Variants in KCNK9 observed in about 807,000 individuals in gnomAD.
KCNK9 encodes the protein potassium channel subfamily K member 9.
A neutral mutation model predicts 10.8 loss-of-function variants in KCNK9; 1 was observed. The observed-to-expected ratio is 0.09, with a 90% confidence interval of 0.03 to 0.44. The LOEUF is 0.44. Among genes scored for constraint, KCNK9 ranks in the 20% least tolerant of loss-of-function variants. The pLI is 0.97. For synonymous variants in KCNK9, 231 were observed against 222.7 expected, an observed-to-expected ratio of 1.04 and a Z score of -0.33; for missense variants, 303 against 515.0, an observed-to-expected ratio of 0.59 and a Z score of 3.98.
At chr8:139,626,655 G>GGCT (rs1182796642) in intron 1 of KCNK9, among the ~76,000 whole-genome samples, 2 of 152,208 alleles carry the variant, frequency 1.3e-5, no homozygotes, top group African/African-American at 2.4e-5. Flanking sequence ...GGGTACCCAT[G>GGCT]GCTGTCTCCC....
At chr8:139,692,605 G>A (rs1440713302) in intron 1 of KCNK9, among the ~76,000 whole-genome samples, 1 of 152,184 alleles carries the variant, frequency 6.6e-6, no homozygotes, top group Non-Finnish European at 1.5e-5. Flanking sequence ...GCACTTGGGT[G>A]CTGTCAAAGA....
chr8:139,641,678 G>A lies in KCNK9; in HGVS notation c.284-22579C>T, dbSNP rs116951233. Among the ~76,000 whole-genome samples, 1,122 of 151,662 alleles carry A rather than the reference G, an allele frequency of 7.4e-3. 7 individuals are homozygous for A. The highest frequency in any genetic ancestry group is 0.012 in the Non-Finnish European group (848 of 67,982). On this transcript the variant is annotated intron_variant, in intron 1 of 1. Coordinates refer to ENST00000520439, the MANE Select transcript of KCNK9 (RefSeq NM_001282534.2). ...ACACACCCAATTTCCAGGATACCTCGCTGCCACCTCTTCACTGACTGCGCT... is the reference window on the plus strand; with the variant it reads ...ACACACCCAATTTCCAGGATACCTCACTGCCACCTCTTCACTGACTGCGCT...
At chr8:139,692,775 C>T (rs1239193090) in intron 1 of KCNK9, among the ~76,000 whole-genome samples, 1 of 152,220 alleles carries the variant, frequency 6.6e-6, no homozygotes, top group Non-Finnish European at 1.5e-5. Flanking sequence ...ATCAGCTCCC[C>T]CCCACGTCCA....
intron 1 of KCNK9, among the ~76,000 whole-genome samples, chr8:139,650,907 G>C (rs1222469047): frequency 1.3e-5 from 2 of 152,180 alleles, no homozygotes; most frequent in African/African-American, 2.4e-5. Flanking sequence ...ATGTTGCCAT[G>C]GTTCAGAATG....
At chr8:139,656,510 T>G (rs1329566954) in intron 1 of KCNK9, among the ~76,000 whole-genome samples, 2 of 152,168 alleles carry the variant, frequency 1.3e-5, no homozygotes, top group Non-Finnish European at 2.9e-5. Context: ...ACCCGCCAGG[T>G]GCAGACAGAT....
intron 1 of KCNK9, among the ~76,000 whole-genome samples, chr8:139,630,094 A>C (rs1815116224): frequency 6.6e-6 from 1 of 151,806 alleles, no homozygotes; most frequent in African/African-American, 2.4e-5. Context: ...CGAAAGGGTA[A>C]GGGGTTTCTT....
chr8:139,619,501 C>T (rs1814713309), intron 1 of KCNK9, among the ~76,000 whole-genome samples: 1 of 152,144 alleles, frequency 6.6e-6, no homozygotes, highest in South Asian at 2.1e-4. Context: ...TAAGAGAACT[C>T]CAAAAGTACC....
chr8:139,672,648 G>A lies in KCNK9; in HGVS notation c.283+30062C>T, dbSNP rs373985481. Among the ~76,000 whole-genome samples, 240 of 152,330 alleles carry A rather than the reference G, an allele frequency of 1.6e-3. 2 individuals carry two copies. The highest frequency in any genetic ancestry group is 5.1e-3 in the African/African-American group (214 of 41,582). ...AGGGACATGGTTGTGGGACAGGGTC[G>A]GCCCACCCTGTCCAGACACAGCCCC... On this transcript the variant is annotated intron_variant, in intron 1 of 1. Transcript: ENST00000520439.
intron 1 of KCNK9, among the ~76,000 whole-genome samples, chr8:139,654,587 G>T (rs1815966341): frequency 6.6e-6 from 1 of 152,234 alleles, no homozygotes; most frequent in South Asian, 2.1e-4. Context: ...AGATTCTGCG[G>T]TAGCCCTCAG....
intron 1 of KCNK9, among the ~76,000 whole-genome samples, chr8:139,677,583 AAGG>A (rs1474255912): frequency 9.6e-6 from 1 of 104,686 alleles, no homozygotes; most frequent in African/African-American, 3.4e-5. Context: ...AAAAAAAATA[AAGG>A]AGGTGTTCCC....
intron 1 of KCNK9, among the ~76,000 whole-genome samples, chr8:139,625,310 TC>T (rs1184837036): frequency 6.6e-6 from 1 of 152,026 alleles, no homozygotes; most frequent in East Asian, 1.9e-4. Flanking sequence ...GGCTGGGGGC[TC>T]CCAGGACAGC....
At position 139,630,513 on chromosome 8, in the gene KCNK9, C is replaced by CCA. The variant is rs567228587; in HGVS notation, c.284-11416_284-11415dup. The stretch of plus-strand genomic sequence containing the variant: ...ACGCTCGCTGGTCCCACTTAGCCAC[C>CCA]CACACCCTTCCACCCACTCCAGCCT... On this transcript the variant is annotated intron_variant, in intron 1 of 1. Transcript: ENST00000520439. Among the ~76,000 whole-genome samples, 6 of 152,334 alleles carry CCA rather than the reference C, an allele frequency of 3.9e-5. No individual in the cohort carries two copies. In the South Asian group the frequency reaches 1.2e-3, roughly 32 times the overall value.
chr8:139,636,121 C>T (rs1815331732), intron 1 of KCNK9, among the ~76,000 whole-genome samples: 1 of 152,180 alleles, frequency 6.6e-6, no homozygotes, highest in Non-Finnish European at 1.5e-5. Flanking sequence ...TTGGGCTGGG[C>T]ATTGCAGGAG....
At chr8:139,696,095 T>C (rs1344814956) in intron 1 of KCNK9, among the ~76,000 whole-genome samples, 2 of 151,972 alleles carry the variant, frequency 1.3e-5, no homozygotes, top group Non-Finnish European at 2.9e-5. Flanking sequence ...AGAGAAGCCA[T>C]CCCAACCCCC....
chr8:139,683,303 C>G (rs559184807), intron 1 of KCNK9, among the ~76,000 whole-genome samples: 3 of 152,156 alleles, frequency 2.0e-5, no homozygotes, highest in Non-Finnish European at 4.4e-5. Flanking sequence ...GCACCCGCCC[C>G]ACCCCTGCTG....
At chr8:139,639,121 C>A (rs1227997826) in intron 1 of KCNK9, among the ~76,000 whole-genome samples, 1 of 152,176 alleles carries the variant, frequency 6.6e-6, no homozygotes, top group Non-Finnish European at 1.5e-5. Flanking sequence ...TCTCTGCCAC[C>A]TCTGACAGAT....
intron 1 of KCNK9, among the ~76,000 whole-genome samples, chr8:139,626,767 T>C (rs1814991856): frequency 6.6e-6 from 1 of 152,182 alleles, no homozygotes; most frequent in Non-Finnish European, 1.5e-5. Context: ...GAATGAAATA[T>C]TTATAAAGGA....
At chr8:139,698,774 G>GA (rs948469600) in intron 1 of KCNK9, among the ~76,000 whole-genome samples, 5 of 152,018 alleles carry the variant, frequency 3.3e-5, no homozygotes, top group South Asian at 2.1e-4. Context: ...AGAGTGCCAG[G>GA]AAAAAAAATG....
chr8:139,647,380 T>A (rs1815722153), intron 1 of KCNK9, among the ~76,000 whole-genome samples: 1 of 152,192 alleles, frequency 6.6e-6, no homozygotes, highest in Admixed American at 6.5e-5. Flanking sequence ...TGTAGACATG[T>A]GGGATTCTTA....
Sources: allele counts gnomAD v4.1 joint callset (sites outside exome capture counted in the v4.1 genomes callset), GRCh38; gene constraint gnomAD v4.1.1; transcripts MANE v1.5; gene names NCBI Gene and HGNC (gene_info 2026-07-23, HGNC 2026-07-21).